LAMA2: variants seen among roughly 807,000 people sequenced by gnomAD.
The protein encoded by LAMA2 is laminin subunit alpha 2, also known as laminin subunit alpha-2.
LAMA2 carries 269 observed loss-of-function variants against 364.8 expected under a neutral mutation model. The observed-to-expected ratio is 0.74, with a 90% CI of 0.67 to 0.82. The LOEUF (loss-of-function observed/expected upper bound fraction) is 0.82, where lower values mean the gene tolerates loss of function less well. Ranked by LOEUF, LAMA2 falls within the 40% of genes least tolerant of loss-of-function variation. The pLI, the probability that LAMA2 is intolerant of heterozygous loss-of-function variation, is 0.00. For synonymous variants in LAMA2, 1,379 were observed against 1,370.6 expected, an observed-to-expected ratio of 1.01 and a Z score of -0.14; for missense variants, 3,807 against 3,873.2, an observed-to-expected ratio of 0.98 and a Z score of 0.45.
At chr6:128,947,132 A>G (rs1216647338) in intron 1 of LAMA2, among the ~76,000 whole-genome samples, 5 of 152,206 alleles carry the variant, frequency 3.3e-5, no homozygotes, top group Admixed American at 2.6e-4. Context: ...TTAGGTATCT[A>G]TCCTGTACCA....
At chr6:129,472,094 A>C (rs1366767101) in intron 51 of LAMA2, among the ~76,000 whole-genome samples, 2 of 152,008 alleles carry the variant, frequency 1.3e-5, no homozygotes, top group African/African-American at 4.8e-5. Context: ...ATTGCATTGC[A>C]TATTAGCATG....
intron 58 of LAMA2, among the ~76,000 whole-genome samples, chr6:129,501,933 C>T (rs886461904): frequency 6.6e-6 from 1 of 152,024 alleles, no homozygotes; most frequent in African/African-American, 2.4e-5. Flanking sequence ...AATGCAGGGC[C>T]CCTCACTGAA....
chr6:129,229,549 A>T (rs1784543937), intron 12 of LAMA2, among the ~76,000 whole-genome samples: 1 of 152,192 alleles, frequency 6.6e-6, no homozygotes, highest in South Asian at 2.1e-4. Flanking sequence ...GATCTGAGTT[A>T]TGTTTTAATA....
chr6:129,230,525 A>T (rs1784616279), intron 12 of LAMA2, among the ~76,000 whole-genome samples: 1 of 152,116 alleles, frequency 6.6e-6, no homozygotes, highest in South Asian at 2.1e-4. Flanking sequence ...TGGTCTGTAT[A>T]TTCTTAGAAA....
At chr6:129,513,221 A>G (rs1057131325) in intron 63 of LAMA2, among the ~76,000 whole-genome samples, 1 of 152,140 alleles carries the variant, frequency 6.6e-6, no homozygotes, top group Non-Finnish European at 1.5e-5. Flanking sequence ...ACAGTGACCT[A>G]AAATAGTTTT....
intron 22 of LAMA2, among the ~76,000 whole-genome samples, chr6:129,302,669 G>A (rs1287120341): frequency 2.0e-5 from 3 of 151,972 alleles, no homozygotes; most frequent in Non-Finnish European, 2.9e-5. Flanking sequence ...AATGGTCAGA[G>A]CTCACTTTTT....
intron 3 of LAMA2, among the ~76,000 whole-genome samples, chr6:129,082,632 T>G (rs1383374766): frequency 6.6e-6 from 1 of 152,166 alleles, no homozygotes; most frequent in Non-Finnish European, 1.5e-5. Context: ...TAAATTTGTC[T>G]GTATTTTTGT....
At chr6:129,265,922 G>T (rs953180324) in intron 15 of LAMA2, among the ~76,000 whole-genome samples, 10 of 151,946 alleles carry the variant, frequency 6.6e-5, no homozygotes, top group Non-Finnish European at 1.5e-4. Flanking sequence ...TAAGGGGAAA[G>T]TTCATTTTAT....
intron 3 of LAMA2, among the ~76,000 whole-genome samples, chr6:129,066,198 A>T (rs565251256): frequency 1.3e-5 from 2 of 148,950 alleles, no homozygotes; most frequent in South Asian, 4.4e-4. Context: ...GGCGCCCGCC[A>T]CTACGCCCGG....
intron 1 of LAMA2, among the ~76,000 whole-genome samples, chr6:129,021,870 A>C (rs981881913): frequency 2.0e-5 from 3 of 152,204 alleles, no homozygotes; most frequent in African/African-American, 4.8e-5. Context: ...TCGGAATGCT[A>C]CTTACCTCTG....
intron 45 of LAMA2, among the ~76,000 whole-genome samples, chr6:129,446,643 C>A (rs1041662772): frequency 6.7e-6 from 1 of 149,442 alleles, no homozygotes; most frequent in Non-Finnish European, 1.5e-5. Context: ...GAACTCAAAC[C>A]TTTTTAGATA....
In LAMA2 at chr6:128,962,185, T is replaced by TATAC. The variant is rs1214826895; in HGVS notation, c.112+78829_112+78830insTACA. ...ATATATATATATATATATATATATA[T>TATAC]ACACACATACACACACACATACACA... On this transcript the variant is annotated intron_variant, in intron 1 of 64. Coordinates refer to ENST00000421865, the MANE Select transcript of LAMA2 (RefSeq NM_000426.4). 3.6e-3 allele frequency among the ~76,000 whole-genome samples: 373 copies of TATAC among 103,886 alleles called. 21 individuals are homozygous for TATAC. The highest frequency in any genetic ancestry group is 7.7e-3 in the South Asian group (23 of 2,994). 68.2% of individuals were successfully genotyped at this position (103,886 alleles called of 152,430 possible). A position where few individuals can be genotyped will look rare whatever the true frequency, so the allele number is the denominator to read the frequency against.
At chr6:129,500,410 G>A (rs1408204772) in intron 58 of LAMA2, among the ~76,000 whole-genome samples, 1 of 152,192 alleles carries the variant, frequency 6.6e-6, no homozygotes, top group African/African-American at 2.4e-5. Context: ...ACATGTTAGA[G>A]TGATCAGTTT....
chr6:129,173,314 C>A (rs1780342684), intron 9 of LAMA2, among the ~76,000 whole-genome samples: 1 of 152,186 alleles, frequency 6.6e-6, no homozygotes. Context: ...AGAAATGTAT[C>A]ATTCACAACA....
rs1284666498 is a variant in LAMA2 at position 129,291,608 on chromosome 6, T to C, written c.2750-6T>C. The C allele has an allele frequency of 6.2e-7, 1 of 1,610,342 alleles. No homozygotes were observed. Among genetic ancestry groups the C allele is most frequent in the African/African-American group, 1.3e-5 (1 of 74,826 alleles). On this transcript the variant is annotated splice_polypyrimidine_tract_variant and splice_region_variant and intron_variant, in intron 19 of 64. Transcript: ENST00000421865. ...TCCTGATCACAGGTCTCTCTTCTCT[T>C]TGCAGCCTGTCGCTGTAATGCCGGT...
At chr6:128,884,658 G>A (rs866854667) in intron 1 of LAMA2, among the ~76,000 whole-genome samples, 1 of 152,110 alleles carries the variant, frequency 6.6e-6, no homozygotes, top group Admixed American at 6.5e-5. Context: ...TTGCTTCTCT[G>A]AGAGGTAAAA....
chr6:129,262,047 C>T (rs1562390803), intron 15 of LAMA2, among the ~76,000 whole-genome samples: 2 of 152,050 alleles, frequency 1.3e-5, no homozygotes, highest in African/African-American at 4.8e-5. Context: ...TGTTTTAAGG[C>T]TTGTTTCCAC....
chr6:129,314,563 T>A (rs1562449007), intron 23 of LAMA2, 92 bp from the exon 24 acceptor site: 3 of 1,207,838 alleles, frequency 2.5e-6, no homozygotes, highest in South Asian at 2.5e-5. Context: ...TTAAATTTTT[T>A]AAAAAGAGTA....
intron 45 of LAMA2, among the ~76,000 whole-genome samples, chr6:129,451,037 C>G (rs1782649870): frequency 6.6e-6 from 1 of 152,134 alleles, no homozygotes; most frequent in South Asian, 2.1e-4. Flanking sequence ...TCCCACCTGC[C>G]CTCTACTGTG....
Sources: gnomAD v4.1 joint callset for allele counts (sites outside exome capture counted in the v4.1 genomes callset) on GRCh38, gnomAD v4.1.1 for gene constraint, MANE v1.5 for transcripts, NCBI Gene and HGNC (gene_info 2026-07-23, HGNC 2026-07-21) for gene names.